Variants in RAD51B observed in about 807,000 individuals in gnomAD.
RAD51B encodes the protein RAD51 paralog B.
Under a neutral mutation model 42.2 loss-of-function variants are expected in RAD51B, and 38 were observed. That is an observed-to-expected ratio of 0.90 (90% CI 0.70 to 1.18). The LOEUF is 1.18. RAD51B is among the 50% of genes most tolerant of loss of function. The pLI is 0.00. For synonymous variants in RAD51B, 154 were observed against 145.2 expected (o/e 1.06, Z -0.43); for missense variants, 373 against 400.7 (o/e 0.93, Z 0.59).
intron 7 of RAD51B, among the ~76,000 whole-genome samples, chr14:68,018,675 C>T (rs1440942350): frequency 1.3e-5 from 2 of 152,288 alleles, no homozygotes; most frequent in East Asian, 1.9e-4. Flanking sequence ...AAGACTTAAA[C>T]ATTTCTGTAT....
At chr14:68,127,584 A>T (rs1032288667) in intron 7 of RAD51B, among the ~76,000 whole-genome samples, 1 of 150,930 alleles carries the variant, frequency 6.6e-6, no homozygotes, top group Non-Finnish European at 1.5e-5. Flanking sequence ...GATAATTCAT[A>T]AATAACAATT....
intron 10 of RAD51B, among the ~76,000 whole-genome samples, chr14:68,518,388 G>A (rs747378812): frequency 1.3e-4 from 20 of 152,162 alleles, no homozygotes; most frequent in Admixed American, 1.0e-3. Context: ...GTCTGCAGGC[G>A]GGAAACAACA....
chr14:68,307,020 TTC>T (rs200589090), intron 8 of RAD51B, among the ~76,000 whole-genome samples: 75,437 of 142,172 alleles, frequency 0.53, 20,843 homozygotes, highest in South Asian at 0.65. Flanking sequence ...TTTTTTTTTT[TTC>T]CCTATCTGGA....
intron 7 of RAD51B, among the ~76,000 whole-genome samples, chr14:68,278,021 G>A (rs1002033271): frequency 1.3e-5 from 2 of 152,194 alleles, no homozygotes; most frequent in African/African-American, 4.8e-5. Flanking sequence ...GGGATTACAG[G>A]CGTGAGCCAC....
At chr14:67,896,179 G>A (rs1439877950) in intron 7 of RAD51B, among the ~76,000 whole-genome samples, 1 of 152,150 alleles carries the variant, frequency 6.6e-6, no homozygotes, top group Non-Finnish European at 1.5e-5. Context: ...GTAGAATGAT[G>A]TATCACACTT....
chr14:68,204,929 G>A (rs182628090), intron 7 of RAD51B, among the ~76,000 whole-genome samples: 242 of 152,218 alleles, frequency 1.6e-3, no homozygotes, highest in African/African-American at 5.6e-3. Flanking sequence ...TCATGATATA[G>A]GAAGAAGTGA....
chr14:68,323,183 A>T (rs926626318), intron 8 of RAD51B, among the ~76,000 whole-genome samples: 22 of 152,156 alleles, frequency 1.4e-4, no homozygotes, highest in Non-Finnish European at 1.3e-4. Flanking sequence ...TCTGGGAGTG[A>T]GAGCAGATTG....
In RAD51B at chr14:68,528,235, T is replaced by C. The variant is rs77474775; in HGVS notation, c.1036+59985T>C. 3.0e-3 allele frequency among the ~76,000 whole-genome samples: 459 copies of C among 152,320 alleles called. 1 individual carries two copies. The highest frequency in any genetic ancestry group is 9.9e-3 in the African/African-American group (412 of 41,570). On this transcript the variant is annotated intron_variant, in intron 10 of 10. Coordinates refer to the RAD51B transcript ENST00000487270. ...CTGTTTCATAGAAAAACTTCAGCCA[T>C]TGAGAATGATGTCATTCATCATATT... is the stretch of plus-strand genomic sequence containing the variant.
intron 9 of RAD51B, among the ~76,000 whole-genome samples, chr14:68,438,168 T>C (rs145129960): frequency 1.6e-3 from 237 of 152,180 alleles, no homozygotes; most frequent in African/African-American, 5.3e-3. Context: ...ACCTTCCAAG[T>C]CTCCCTTTGG....
intron 8 of RAD51B, among the ~76,000 whole-genome samples, chr14:68,328,496 C>T (rs1198545362): frequency 6.6e-6 from 1 of 152,132 alleles, no homozygotes; most frequent in Non-Finnish European, 1.5e-5. Context: ...TTTGTGGATT[C>T]CTTGACAGCC....
intron 9 of RAD51B, 132 bp from the exon 10 acceptor site, chr14:68,468,040 T>G (rs1025340581): frequency 1.4e-5 from 10 of 726,662 alleles, no homozygotes; most frequent in Non-Finnish European, 2.0e-5. Context: ...ATAAAATGGT[T>G]TTTTTTTTTT....
intron 7 of RAD51B, among the ~76,000 whole-genome samples, chr14:68,147,280 T>C (rs1454248094): frequency 6.6e-6 from 1 of 152,246 alleles, no homozygotes; most frequent in Non-Finnish European, 1.5e-5. Context: ...ACATGTGTCC[T>C]GGAATCTACT....
At chr14:67,833,164 G>A (rs2041113086) in intron 3 of RAD51B, among the ~76,000 whole-genome samples, 1 of 151,980 alleles carries the variant, frequency 6.6e-6, no homozygotes, top group African/African-American at 2.4e-5. Flanking sequence ...TCACTTGAGG[G>A]CAGGAGTTCG....
intron 4 of RAD51B, among the ~76,000 whole-genome samples, chr14:67,848,160 G>A: frequency 6.6e-6 from 1 of 152,136 alleles, no homozygotes; most frequent in Non-Finnish European, 1.5e-5. Context: ...TGGGATTACA[G>A]GCACGTGCCA....
At position 68,386,838 on chromosome 14, in the gene RAD51B, C is replaced by T. The variant is rs551783776; in HGVS notation, c.854-24586C>T. ...CCTTTCCAACTTGATGGTATACCAC[C>T]TGCAAAGCTATCCCAGAAACAGATG... On this transcript the variant is annotated intron_variant, in intron 8 of 10. Transcript: ENST00000471583. 3.3e-5 allele frequency among the ~76,000 whole-genome samples: 5 copies of T among 152,284 alleles called. 1 individual carries two copies. In the South Asian group the frequency reaches 1.0e-3, roughly 32 times the overall value.
downstream of RAD51B, among the ~76,000 whole-genome samples, chr14:68,480,744 G>T (rs143207028): frequency 6.6e-6 from 1 of 151,794 alleles, no homozygotes; most frequent in East Asian, 1.9e-4. Context: ...CCTTTCCCTC[G>T]CAGGGACTGC....
intron 10 of RAD51B, chr14:68,610,922 C>A: frequency 1.6e-6 from 1 of 641,480 alleles, no homozygotes. Flanking sequence ...AGGCCATGAA[C>A]AGTTATTATT....
At chr14:68,532,961 C>T (rs985521684) in intron 10 of RAD51B, among the ~76,000 whole-genome samples, 1 of 152,010 alleles carries the variant, frequency 6.6e-6, no homozygotes. Flanking sequence ...ATAACCAATA[C>T]CTTTATAGAC....
intron 10 of RAD51B, among the ~76,000 whole-genome samples, chr14:68,530,988 G>A: frequency 6.6e-6 from 1 of 151,954 alleles, no homozygotes. Context: ...GTTCAGGGAG[G>A]AGGATAAGAT....
Sources: allele counts gnomAD v4.1 joint callset (sites outside exome capture counted in the v4.1 genomes callset), GRCh38; gene constraint gnomAD v4.1.1; transcripts MANE v1.5; gene names NCBI Gene and HGNC (gene_info 2026-07-23, HGNC 2026-07-21).